The following ANO1 variants were observed in gnomAD, a reference collection of about 807,000 sequenced individuals.
ANO1 encodes anoctamin-1.
ANO1 carries 59 observed loss-of-function variants against 124.0 expected under a neutral mutation model. The ratio of observed to expected loss-of-function variants is 0.48; its 90% CI spans 0.39 to 0.59. The LOEUF (loss-of-function observed/expected upper bound fraction) is 0.59. ANO1 is among the 20% of genes least tolerant of loss of function. The pLI, the probability that ANO1 is intolerant of heterozygous loss-of-function variation, is 0.00. For missense variants in ANO1, 1,059 were observed against 1,328.0 expected, an observed-to-expected ratio of 0.80 and a Z score of 3.15; for synonymous variants, 529 against 532.0, an observed-to-expected ratio of 0.99 and a Z score of 0.08.
At chr11:70,177,873 A>G (rs2048785161) in intron 22 of ANO1, among the ~76,000 whole-genome samples, 1 of 152,212 alleles carries the variant, frequency 6.6e-6, no homozygotes, top group African/African-American at 2.4e-5. Flanking sequence ...TGCTAGGATT[A>G]CAGGCGTGAG....
upstream of ANO1, among the ~76,000 whole-genome samples, chr11:70,075,800 A>G (rs1400305361): frequency 1.3e-5 from 2 of 152,224 alleles, no homozygotes; most frequent in Non-Finnish European, 2.9e-5. Flanking sequence ...AGTGACCCAT[A>G]GGACACAGGC....
At chr11:70,123,409 G>A (rs1210105479) in intron 8 of ANO1, among the ~76,000 whole-genome samples, 1 of 152,220 alleles carries the variant, frequency 6.6e-6, no homozygotes, top group Non-Finnish European at 1.5e-5. Context: ...CAGAGGAGAC[G>A]CTCAGGCACG....
intron 1 of ANO1, among the ~76,000 whole-genome samples, chr11:69,988,985 T>G (rs1316194137): frequency 6.9e-6 from 1 of 144,628 alleles, no homozygotes; most frequent in African/African-American, 2.6e-5. Flanking sequence ...AGGAGGGAAG[T>G]AGGGAGGGAG....
At chr11:70,116,910 C>T (rs544641473) in intron 8 of ANO1, among the ~76,000 whole-genome samples, 1 of 152,166 alleles carries the variant, frequency 6.6e-6, no homozygotes, top group Admixed American at 6.5e-5. Flanking sequence ...ACCACTGACA[C>T]CAGGTGCACA....
chr11:70,127,257 C>A (rs1216856323), intron 10 of ANO1, among the ~76,000 whole-genome samples: 3 of 152,182 alleles, frequency 2.0e-5, no homozygotes, highest in African/African-American at 7.2e-5. Flanking sequence ...GGCCTCAGTG[C>A]AGGCTGGCGC....
chr11:70,017,075 A>T (rs1219295338), intron 1 of ANO1, among the ~76,000 whole-genome samples: 1 of 152,220 alleles, frequency 6.6e-6, no homozygotes, highest in Non-Finnish European at 1.5e-5. Flanking sequence ...CCTTAGAAAG[A>T]TGCCTGGCAC....
chr11:70,096,312 A>G (rs1227384474), intron 2 of ANO1, among the ~76,000 whole-genome samples: 1 of 152,146 alleles, frequency 6.6e-6, no homozygotes, highest in Non-Finnish European at 1.5e-5. Context: ...GGTGGGTTCC[A>G]GTCCTCCTTT....
intron 11 of ANO1, among the ~76,000 whole-genome samples, chr11:70,132,936 C>A (rs191297638): frequency 6.9e-6 from 1 of 145,152 alleles, no homozygotes; most frequent in Admixed American, 6.8e-5. Flanking sequence ...AGAGACAGCG[C>A]TGGAGGGAGT....
At chr11:70,001,186 A>G (rs1856376344) in intron 1 of ANO1, among the ~76,000 whole-genome samples, 1 of 152,216 alleles carries the variant, frequency 6.6e-6, no homozygotes, top group South Asian at 2.1e-4. Context: ...CTCCTCACAT[A>G]CAGCTGTAGT....
intron 1 of ANO1, among the ~76,000 whole-genome samples, chr11:70,053,404 T>C (rs1429151555): frequency 6.6e-6 from 1 of 152,234 alleles, no homozygotes; most frequent in African/African-American, 2.4e-5. Flanking sequence ...ATGCCATTTG[T>C]TGTAGGTTTA....
At chr11:70,165,412 G>A in intron 19 of ANO1, 58 bp from the exon 20 acceptor site, 1 of 1,451,334 alleles carries the variant, frequency 6.9e-7, no homozygotes, top group Non-Finnish European at 9.5e-7. Flanking sequence ...TCCCTGCAGG[G>A]CTGGGGTCCC....
At chr11:70,102,298 C>G (rs1009319033) in intron 2 of ANO1, among the ~76,000 whole-genome samples, 1 of 152,188 alleles carries the variant, frequency 6.6e-6, no homozygotes, top group Non-Finnish European at 1.5e-5. Flanking sequence ...CCTTTCTCAT[C>G]AAGCTGGCCA....
intron 1 of ANO1, among the ~76,000 whole-genome samples, chr11:70,019,247 A>T (rs4997355): frequency 9.7e-6 from 1 of 102,888 alleles, no homozygotes; most frequent in Non-Finnish European, 1.9e-5. Flanking sequence ...ACCCCCCCAC[A>T]CACACACACA....
At chr11:70,060,450 G>T (rs1857548148) in intron 1 of ANO1, among the ~76,000 whole-genome samples, 1 of 152,098 alleles carries the variant, frequency 6.6e-6, no homozygotes, top group Non-Finnish European at 1.5e-5. Flanking sequence ...GATGCTATAT[G>T]TATTAGGGAA....
chr11:69,979,936 G>A, the ANO1 span, among the ~76,000 whole-genome samples: 20 of 152,168 alleles, frequency 1.3e-4, no homozygotes, highest in East Asian at 1.9e-4. Context: ...GTGCCGTGCC[G>A]TGGTTCAGGG....
At chr11:69,994,491 G>A (rs554326215) in intron 1 of ANO1, among the ~76,000 whole-genome samples, 1 of 152,080 alleles carries the variant, frequency 6.6e-6, no homozygotes, top group African/African-American at 2.4e-5. Context: ...GAGGGAGGAA[G>A]AGAGAGATTT....
rs180715502 is a variant in ANO1, at chr11:70,003,933, C to T, written c.58+17767C>T. Among the ~76,000 whole-genome samples the T allele has an allele frequency of 1.2e-3, 176 of 152,264 alleles. 5 individuals carry two copies. The East Asian group carries it at 0.018, about 16-fold the overall frequency. On this transcript the variant is annotated intron_variant, in intron 1 of 27. Transcript: ENST00000531349. ...TCCTGCCATGTTCTCCCAGCCTCCA[C>T]GTGCCAACCATACAGCCTCTCCCCA...
At chr11:70,170,409 T>C (rs376073257) in intron 21 of ANO1, among the ~76,000 whole-genome samples, 1 of 152,194 alleles carries the variant, frequency 6.6e-6, no homozygotes, top group African/African-American at 2.4e-5. Flanking sequence ...CCAGGCAACA[T>C]AGCAAAATCC....
intron 8 of ANO1, among the ~76,000 whole-genome samples, chr11:70,119,014 G>A (rs187772698): frequency 9.1e-4 from 136 of 149,378 alleles, no homozygotes; most frequent in Middle Eastern, 3.5e-3. Context: ...ATAGATGATG[G>A]GTGGGTGGAT....
Sources: gnomAD v4.1 joint callset for allele counts (sites outside exome capture counted in the v4.1 genomes callset) on GRCh38, gnomAD v4.1.1 for gene constraint, MANE v1.5 for transcripts, NCBI Gene and HGNC (gene_info 2026-07-23, HGNC 2026-07-21) for gene names.